Variants in ARHGEF10 observed in about 807,000 individuals in gnomAD.
ARHGEF10 encodes Rho guanine nucleotide exchange factor (GEF) 10.
In ARHGEF10, 140 loss-of-function variants were observed where a neutral mutation model predicts 147.4. The observed-to-expected ratio is 0.95, with a 90% CI of 0.83 to 1.09. The LOEUF (loss-of-function observed/expected upper bound fraction) is 1.09, where lower values mean the gene tolerates loss of function less well. ARHGEF10 is among the 50% of genes least tolerant of loss of function. ARHGEF10 has a pLI of 0.00. For missense variants in ARHGEF10, 2,222 were observed against 1,752.7 expected, an observed-to-expected ratio of 1.27 and a Z score of -4.78; for synonymous variants, 902 against 695.8, an observed-to-expected ratio of 1.30 and a Z score of -4.67.
chr8:1,866,712 A>G (rs1470652335), intron 6 of ARHGEF10, 110 bp downstream of exon 6: 4 of 1,052,232 alleles, frequency 3.8e-6, no homozygotes, highest in Non-Finnish European at 5.8e-6. Context: ...AAACTCTAAA[A>G]AGATGTTTAT....
At chr8:1,931,026 C>T (rs1042350608) in intron 25 of ARHGEF10, among the ~76,000 whole-genome samples, 29 of 152,238 alleles carry the variant, frequency 1.9e-4, no homozygotes, top group African/African-American at 6.0e-4. Flanking sequence ...TCTCCATGGA[C>T]GGTTTTGTGT....
At chr8:1,832,792 A>ACAGAGGCAGAGG (rs1366795579) in intron 1 of ARHGEF10, among the ~76,000 whole-genome samples, 2 of 53,666 alleles carry the variant, frequency 3.7e-5, no homozygotes, top group Non-Finnish European at 7.9e-5. Context: ...ACAGAGAGAG[A>ACAGAGGCAGAGG]CAGAGGCAGA....
chr8:1,882,620 C>T lies in ARHGEF10; in HGVS notation c.961-15C>T, dbSNP rs1427819986. ...CTGCCGCCGTCCCGTTCTCACATCT[C>T]CCTCTCCGTCGCAGATGCAGAAGCT... On this transcript the variant is annotated splice_polypyrimidine_tract_variant and intron_variant, in intron 9 of 28. Transcript: ENST00000349830. 1.9e-6 allele frequency: 3 copies of T among 1,549,416 alleles called. No homozygotes were observed. Among genetic ancestry groups the T allele is most frequent in the Middle Eastern group, 1.7e-4 (1 of 5,986 alleles).
Position 1,933,900 on chromosome 8 carries a change from A to G in ARHGEF10, c.3180A>G (p.Gly1060=), listed in dbSNP as rs775648060. The stretch of plus-strand genomic sequence containing the variant: ...AAGACACGTTGTGGGCGGCTTCCGG[A>G]GGTCAAGTCTTCATCATCAGTGTGG... ...MMEDTLWAAS[G]GQVFIISVET... Residue 1060 remains glycine, a synonymous_variant, in exon 26 of 29, where the codon GGA becomes GGG. Coordinates refer to ENST00000349830, the MANE Select transcript of ARHGEF10 (RefSeq NM_014629.4). 1 of 1,614,050 alleles carries G rather than the reference A, an allele frequency of 6.2e-7. No individual in the cohort carries two copies. Among genetic ancestry groups the G allele is most frequent in the African/African-American group, 1.3e-5 (1 of 74,916 alleles).
At chr8:1,838,248 G>A (rs561199537) in intron 1 of ARHGEF10, among the ~76,000 whole-genome samples, 9 of 152,314 alleles carry the variant, frequency 5.9e-5, no homozygotes, top group East Asian at 3.9e-4. Flanking sequence ...TGGTGCCAGC[G>A]TCCCAGGGAA....
At chr8:1,851,865 G>A (rs112339314) in intron 2 of ARHGEF10, among the ~76,000 whole-genome samples, 2,235 of 151,496 alleles carry the variant, frequency 0.015, 65 homozygotes, top group African/African-American at 0.052. Context: ...AGTAAGCTGC[G>A]ATCGCAATAC....
At chr8:1,921,638 G>A (rs1038497764) in intron 18 of ARHGEF10, among the ~76,000 whole-genome samples, 1 of 152,192 alleles carries the variant, frequency 6.6e-6, no homozygotes, top group Non-Finnish European at 1.5e-5. Context: ...GGGAGGCTGA[G>A]GCAGGAGAAT....
In ARHGEF10 at chr8:1,925,354, C is replaced by G. The variant is rs1421847803; in HGVS notation, c.2560C>G (p.Leu854Val). 1 of 1,614,112 alleles carries G rather than the reference C, an allele frequency of 6.2e-7. No homozygotes were observed. The highest frequency in any genetic ancestry group is 2.2e-5 in the East Asian group (1 of 44,894). ...TCACATTAAAAAGGAGAAGCATCCT[C>G]TCCTCGTCGGACACATGCCCGTGAT... Reference protein sequence around the residue: ...GNHIKKEKHPLLVGHMPVMVA... With the variant: ...GNHIKKEKHPVLVGHMPVMVA... The change falls in exon 22 of 29, where the codon CTC (leucine) becomes GTC (valine). Residue 854 changes from leucine (L) to valine (V), a missense_variant. Coordinates refer to ENST00000349830, the MANE Select transcript of ARHGEF10 (RefSeq NM_014629.4).
In ARHGEF10 at chr8:1,889,133, T is replaced by C. The variant is rs1354529590; in HGVS notation, c.1182+3426T>C. Among the ~76,000 whole-genome samples, 6 of 69,522 alleles carry C rather than the reference T, an allele frequency of 8.6e-5. 1 individual carries two copies. The highest frequency in any genetic ancestry group is 2.8e-4 in the Admixed American group (2 of 7,118). 45.6% of individuals were successfully genotyped at this position (69,522 alleles called of 152,430 possible). ...GTGAGGGGTCTGTGAGGAGACACTGTGAGTGGGGTGAGGGTTGTGAGGAGA... is the reference window on the plus strand; with the variant it reads ...GTGAGGGGTCTGTGAGGAGACACTGCGAGTGGGGTGAGGGTTGTGAGGAGA... On this transcript the variant is annotated intron_variant, in intron 11 of 28. Coordinates refer to ENST00000349830, the MANE Select transcript of ARHGEF10 (RefSeq NM_014629.4).
Position 1,843,409 on chromosome 8 carries a change from C to T in ARHGEF10, c.10C>T (p.Arg4Ter), listed in dbSNP as rs1354572365. Residue 4 changes from arginine (R) to a stop codon, truncating the protein, a stop_gained, in exon 2 of 29, where the codon CGA becomes TGA. Coordinates refer to ENST00000349830, the MANE Select transcript of ARHGEF10 (RefSeq NM_014629.4). LOFTEE classifies it high-confidence loss of function. MDQ[R>*]EPLPPAPAEN... is the part of the protein sequence containing the mutation. Reference sequence around the variant, plus strand: ...CATCTGGAGCTGCAGCATGGACCAGCGAGAGCCCCTGCCTCCCGCTCCTGC... The same window carrying T: ...CATCTGGAGCTGCAGCATGGACCAGTGAGAGCCCCTGCCTCCCGCTCCTGC... 15 of 1,613,044 alleles carry T rather than the reference C, an allele frequency of 9.3e-6. No individual in the cohort carries two copies. The highest frequency in any genetic ancestry group is 2.2e-5 in the South Asian group (2 of 91,040).
intron 26 of ARHGEF10, among the ~76,000 whole-genome samples, chr8:1,943,027 A>G (rs941411375): frequency 6.6e-6 from 1 of 152,232 alleles, no homozygotes; most frequent in African/African-American, 2.4e-5. Flanking sequence ...ATTGCGCCCT[A>G]TAGAAGGGTG....
chr8:1,887,566 G>C (rs1403945644), intron 11 of ARHGEF10, among the ~76,000 whole-genome samples: 1 of 150,372 alleles, frequency 6.7e-6, no homozygotes, highest in African/African-American at 2.5e-5. Flanking sequence ...TGAGGAGTCT[G>C]TGAGGAGACT....
intron 1 of ARHGEF10, among the ~76,000 whole-genome samples, chr8:1,832,804 GCAGAGA>G (rs1803262042): frequency 5.2e-5 from 1 of 19,360 alleles, no homozygotes; most frequent in Non-Finnish European, 9.3e-5. Flanking sequence ...AGAGGCAGAG[GCAGAGA>G]CAGAGGCAGA....
rs368238400 is a variant in ARHGEF10, at chr8:1,939,398, C to T, written c.3222+5456C>T. Among the ~76,000 whole-genome samples, 20 of 152,326 alleles carry T rather than the reference C, an allele frequency of 1.3e-4. No homozygotes were observed. In the East Asian group the frequency reaches 2.9e-3, roughly 22 times the overall value. On this transcript the variant is annotated intron_variant, in intron 26 of 28. Coordinates refer to ENST00000349830, the MANE Select transcript of ARHGEF10 (RefSeq NM_014629.4). ...GGTTAAGACATTGATGACACAGGCC[C>T]GGCTCTCAGTCCCAGGATGGCTGGG...
intron 26 of ARHGEF10, among the ~76,000 whole-genome samples, chr8:1,939,712 G>T (rs940916440): frequency 6.6e-6 from 1 of 152,206 alleles, no homozygotes; most frequent in Non-Finnish European, 1.5e-5. Context: ...ATCAGGCTTC[G>T]AGACTACTGG....
chr8:1,873,380 C>G (rs549481317), intron 7 of ARHGEF10, among the ~76,000 whole-genome samples: 1 of 151,998 alleles, frequency 6.6e-6, no homozygotes, highest in East Asian at 1.9e-4. Context: ...GAGCAAAAAG[C>G]AAAAGCAAGA....
intron 20 of ARHGEF10, 81 bp from the exon 21 acceptor site, chr8:1,923,693 C>T: frequency 3.7e-6 from 6 of 1,613,218 alleles, no homozygotes; most frequent in Non-Finnish European, 5.1e-6. Context: ...CTGATTCTAT[C>T]AGACAGGCAA....
At chr8:1,901,186 A>T (rs1037056227) in intron 15 of ARHGEF10, among the ~76,000 whole-genome samples, 1 of 152,082 alleles carries the variant, frequency 6.6e-6, no homozygotes, top group South Asian at 2.1e-4. Flanking sequence ...GACAGGCTGC[A>T]GAGAGTCAGC....
chr8:1,841,639 C>T (rs1254167263), intron 1 of ARHGEF10, among the ~76,000 whole-genome samples: 2 of 151,834 alleles, frequency 1.3e-5, no homozygotes, highest in Admixed American at 6.6e-5. Context: ...GCTCATCTCT[C>T]GGGGCCTGAT....
Sources: allele counts gnomAD v4.1 joint callset (sites outside exome capture counted in the v4.1 genomes callset), GRCh38; gene constraint gnomAD v4.1.1; transcripts MANE v1.5; gene names NCBI Gene and HGNC (gene_info 2026-07-23, HGNC 2026-07-21).